Variants in FOXP1 observed in about 807,000 individuals in gnomAD.
The protein encoded by FOXP1 is forkhead box P1.
Under a neutral mutation model 98.2 loss-of-function variants are expected in FOXP1, and 15 were observed. The ratio of observed to expected loss-of-function variants is 0.15; its 90% CI spans 0.10 to 0.24. The LOEUF is 0.24. Ranked by LOEUF, FOXP1 falls within the 10% of genes least tolerant of loss-of-function variation. The probability of loss-of-function intolerance (pLI) is 1.00; values close to 1 mark genes in which losing one functional copy is unlikely to be tolerated. For synonymous variants in FOXP1, 371 were observed against 314.5 expected, an observed-to-expected ratio of 1.18 and a Z score of -1.90; for missense variants, 633 against 848.5, an observed-to-expected ratio of 0.75 and a Z score of 3.15.
intron 4 of FOXP1, among the ~76,000 whole-genome samples, chr3:71,340,998 T>C (rs567463158): frequency 5.9e-5 from 9 of 151,816 alleles, no homozygotes; most frequent in Non-Finnish European, 1.0e-4. Context: ...ACAGGAGAAA[T>C]AGACAACTCC....
chr3:71,405,107 G>A (rs1312120684), intron 3 of FOXP1, among the ~76,000 whole-genome samples: 2 of 152,148 alleles, frequency 1.3e-5, no homozygotes, highest in Admixed American at 6.5e-5. Flanking sequence ...CAGCCTTTAC[G>A]TGGAGGTCTC....
intron 4 of FOXP1, among the ~76,000 whole-genome samples, chr3:71,317,250 A>C (rs906148242): frequency 2.6e-5 from 4 of 152,148 alleles, no homozygotes; most frequent in African/African-American, 9.7e-5. Flanking sequence ...ATTTCCTTCA[A>C]CCCCCTCTAC....
At chr3:71,027,428 T>C (rs748735334) in intron 11 of FOXP1, among the ~76,000 whole-genome samples, 2 of 152,192 alleles carry the variant, frequency 1.3e-5, no homozygotes, top group Admixed American at 6.5e-5. Flanking sequence ...AGATACAAAA[T>C]GGCTCAAAAC....
At chr3:71,252,705 A>G (rs1234944684) in intron 5 of FOXP1, among the ~76,000 whole-genome samples, 1 of 152,232 alleles carries the variant, frequency 6.6e-6, no homozygotes, top group Non-Finnish European at 1.5e-5. Context: ...ATAAAGAAAC[A>G]GAAGTGGATG....
intron 3 of FOXP1, among the ~76,000 whole-genome samples, chr3:71,492,830 GAA>G (rs1306329721): frequency 6.6e-6 from 1 of 152,112 alleles, no homozygotes; most frequent in Non-Finnish European, 1.5e-5. Flanking sequence ...AGGATGGATG[GAA>G]AACACACTTA....
At chr3:71,143,656 G>A (rs968002737) in intron 6 of FOXP1, among the ~76,000 whole-genome samples, 7 of 152,186 alleles carry the variant, frequency 4.6e-5, no homozygotes, top group Non-Finnish European at 1.0e-4. Context: ...TGCTTTGGGA[G>A]GCTGAGATGG....
At chr3:71,028,233 T>C (rs1404232805) in intron 11 of FOXP1, among the ~76,000 whole-genome samples, 2 of 152,230 alleles carry the variant, frequency 1.3e-5, no homozygotes, top group Non-Finnish European at 2.9e-5. Context: ...GTCTTGGCTC[T>C]GAAACCTGTA....
intron 12 of FOXP1, among the ~76,000 whole-genome samples, chr3:71,003,164 C>A (rs190924544): frequency 6.6e-6 from 1 of 152,190 alleles, no homozygotes; most frequent in Non-Finnish European, 1.5e-5. Context: ...AAGTCACCCT[C>A]GCCAAACTGA....
At position 71,066,091 on chromosome 3, in the gene FOXP1, CAAA is replaced by C. The variant is rs34279433; in HGVS notation, c.283-12321_283-12319del. Among the ~76,000 whole-genome samples, 41 of 104,966 alleles carry C rather than the reference CAAA, an allele frequency of 3.9e-4. 1 individual carries two copies. Among genetic ancestry groups the C allele is most frequent in the African/African-American group, 6.3e-4 (18 of 28,666 alleles). The allele number at this position is 104,966 out of a possible 152,430, so 68.9% of individuals were successfully genotyped here. On this transcript the variant is annotated intron_variant, in intron 7 of 20. Transcript: ENST00000649528. ...ACATCAATGAATGCCTATTTGCCTT[CAAA>C]AAAAAAAAAAAAAAAAAGGCAACAA...
intron 14 of FOXP1, among the ~76,000 whole-genome samples, chr3:70,984,665 G>C (rs1258097295): frequency 6.6e-6 from 1 of 152,028 alleles, no homozygotes; most frequent in Admixed American, 6.6e-5. Context: ...CCTGCACCTT[G>C]AGTCTTTGGT....
chr3:71,237,438 AG>A (rs2066897908), intron 5 of FOXP1, among the ~76,000 whole-genome samples: 2 of 151,888 alleles, frequency 1.3e-5, no homozygotes, highest in South Asian at 2.1e-4. Flanking sequence ...CCACGCTTCC[AG>A]GGCTCAAGAG....
chr3:71,329,536 TA>T (rs1328144686), intron 4 of FOXP1, among the ~76,000 whole-genome samples: 2 of 150,466 alleles, frequency 1.3e-5, no homozygotes, highest in Non-Finnish European at 2.9e-5. Flanking sequence ...CTAGACCTCT[TA>T]AATCTCACAA....
chr3:71,389,261 G>T (rs916086946), intron 3 of FOXP1, among the ~76,000 whole-genome samples: 1 of 91,664 alleles, frequency 1.1e-5, no homozygotes, highest in African/African-American at 4.3e-5. Flanking sequence ...GGCCGGGGGG[G>T]GCGGGTTATA....
chr3:71,408,057 C>T (rs2082475885), intron 3 of FOXP1, among the ~76,000 whole-genome samples: 1 of 152,172 alleles, frequency 6.6e-6, no homozygotes, highest in Non-Finnish European at 1.5e-5. Context: ...CCAACGACTC[C>T]CTTCCCTACA....
At chr3:71,449,410 T>C (rs55716899) in intron 3 of FOXP1, among the ~76,000 whole-genome samples, 50,148 of 152,074 alleles carry the variant, frequency 0.33, 9,296 homozygotes, top group Non-Finnish European at 0.43. Flanking sequence ...TGCATTTGTG[T>C]GTGTGTGGCA....
chr3:71,087,865 G>A lies in FOXP1; in HGVS notation c.282+24671C>T, dbSNP rs569493922. ...TGGGCTTGTTATATTATGCAAAAGC[G>A]ACTCATGTGAAACAAACAAAAATAC... On this transcript the variant is annotated intron_variant, in intron 7 of 20. Coordinates refer to ENST00000649528, the MANE Select transcript of FOXP1 (RefSeq NM_001349338.3). 4.6e-5 allele frequency among the ~76,000 whole-genome samples: 7 copies of A among 152,226 alleles called. No individual in the cohort carries two copies. The East Asian group carries it at 1.2e-3, about 25-fold the overall frequency.
intron 5 of FOXP1, among the ~76,000 whole-genome samples, chr3:71,298,390 G>A (rs533115531): frequency 3.3e-5 from 5 of 152,084 alleles, no homozygotes; most frequent in South Asian, 2.1e-4. Context: ...ACTTGAACCC[G>A]GGAGGCAGAG....
intron 3 of FOXP1, among the ~76,000 whole-genome samples, chr3:71,399,642 C>T (rs749003913): frequency 6.6e-6 from 1 of 152,152 alleles, no homozygotes; most frequent in Non-Finnish European, 1.5e-5. Flanking sequence ...AACCTACAAC[C>T]TTCTGAGATG....
At chr3:71,371,301 G>T (rs761930301) in intron 3 of FOXP1, among the ~76,000 whole-genome samples, 1 of 152,116 alleles carries the variant, frequency 6.6e-6, no homozygotes, top group Non-Finnish European at 1.5e-5. Flanking sequence ...AGGGCCAGCT[G>T]AGTCTGTCTC....
Sources: gnomAD v4.1 joint callset for allele counts (sites outside exome capture counted in the v4.1 genomes callset) on GRCh38, gnomAD v4.1.1 for gene constraint, MANE v1.5 for transcripts, NCBI Gene and HGNC (gene_info 2026-07-23, HGNC 2026-07-21) for gene names.